The following NTRK2 variants were observed in gnomAD, a reference collection of about 807,000 sequenced individuals.
The protein encoded by NTRK2 is BDNF/NT-3 growth factors receptor.
NTRK2 carries 13 observed loss-of-function variants against 94.5 expected under a neutral mutation model. The ratio of observed to expected loss-of-function variants is 0.14; its 90% CI spans 0.09 to 0.22. The LOEUF is 0.22. NTRK2 is among the 10% of genes least tolerant of loss of function. The pLI is 1.00. For missense variants in NTRK2, 639 were observed against 1,071.2 expected (o/e 0.60, Z 5.63); for synonymous variants, 372 against 407.4 (o/e 0.91, Z 1.05).
intron 17 of NTRK2, among the ~76,000 whole-genome samples, chr9:84,974,332 G>A (rs889261948): frequency 1.3e-5 from 2 of 152,246 alleles, no homozygotes; most frequent in Non-Finnish European, 2.9e-5. Context: ...TGAATCAATC[G>A]TTATGTGGTT....
chr9:84,754,875 C>T (rs900841753), intron 12 of NTRK2, among the ~76,000 whole-genome samples: 2 of 152,160 alleles, frequency 1.3e-5, no homozygotes, highest in African/African-American at 2.4e-5. Flanking sequence ...CCTAGCAATG[C>T]GTGGTTTATT....
chr9:84,996,118 T>A (rs929971734), intron 17 of NTRK2, among the ~76,000 whole-genome samples: 1 of 152,250 alleles, frequency 6.6e-6, no homozygotes, highest in Non-Finnish European at 1.5e-5. Context: ...ATTGTGAACA[T>A]ATGAGGCTGC....
In NTRK2 at chr9:84,823,717, G is replaced by T. The variant is rs565695735; in HGVS notation, c.1397-37323G>T. 2.0e-5 allele frequency among the ~76,000 whole-genome samples: 3 copies of T among 152,280 alleles called. No homozygotes were observed. In the South Asian group the frequency reaches 6.2e-4, roughly 32 times the overall value. On this transcript the variant is annotated intron_variant, in intron 12 of 18. Transcript: ENST00000277120. The stretch of plus-strand genomic sequence containing the variant: ...TTTTTTAAGACAAGGGGAGATCCGG[G>T]TTTTTATGTGAAATTTTCTAGTTTT...
chr9:84,718,951 A>G (rs2061884769), intron 6 of NTRK2, among the ~76,000 whole-genome samples: 1 of 152,210 alleles, frequency 6.6e-6, no homozygotes, highest in African/African-American at 2.4e-5. Context: ...TTAAAAGATC[A>G]AGACTTGGCC....
chr9:84,960,785 C>T (rs1485351357), intron 17 of NTRK2, among the ~76,000 whole-genome samples: 1 of 152,198 alleles, frequency 6.6e-6, no homozygotes, highest in Non-Finnish European at 1.5e-5. Flanking sequence ...GAAACTGGCT[C>T]ATATCTATGT....
At chr9:84,854,240 A>G (rs1015773687) in intron 12 of NTRK2, among the ~76,000 whole-genome samples, 11 of 152,124 alleles carry the variant, frequency 7.2e-5, no homozygotes, top group Non-Finnish European at 1.0e-4. Context: ...ATTCTACTCC[A>G]TCACTCCAAG....
intron 4 of NTRK2, among the ~76,000 whole-genome samples, chr9:84,703,361 A>T (rs533262437): frequency 6.6e-6 from 1 of 152,192 alleles, no homozygotes; most frequent in Non-Finnish European, 1.5e-5. Flanking sequence ...TGCACATTTC[A>T]TAGATAAAAT....
At chr9:84,991,824 G>T (rs1371503695) in intron 17 of NTRK2, among the ~76,000 whole-genome samples, 2 of 152,166 alleles carry the variant, frequency 1.3e-5, no homozygotes, top group African/African-American at 4.8e-5. Context: ...TTAGATCCCT[G>T]CTGGTCGAGA....
chr9:84,751,983 T>C lies in NTRK2; in HGVS notation c.1297-3T>C. On this transcript the variant is annotated splice_region_variant and splice_polypyrimidine_tract_variant and intron_variant, in intron 11 of 18. Transcript: ENST00000277120. ...TATAACCACCCTCCCTTCCTTTCTC[T>C]AGGTCTATGCTGTGGTGGTGATTGC... The C allele has an allele frequency of 6.2e-7, 1 of 1,613,474 alleles. No individual in the cohort carries two copies.
At chr9:84,837,389 G>C (rs1428004339) in intron 12 of NTRK2, among the ~76,000 whole-genome samples, 2 of 152,100 alleles carry the variant, frequency 1.3e-5, no homozygotes, top group African/African-American at 4.8e-5. Context: ...CACTGGCCAG[G>C]TAAACTTACA....
chr9:84,805,366 A>G (rs2070988358), intron 12 of NTRK2, among the ~76,000 whole-genome samples: 1 of 152,224 alleles, frequency 6.6e-6, no homozygotes, highest in Non-Finnish European at 1.5e-5. Flanking sequence ...ACACTACTGT[A>G]ATTTTGATCA....
intron 2 of NTRK2, among the ~76,000 whole-genome samples, chr9:84,677,485 T>C (rs1227947500): frequency 6.6e-6 from 1 of 152,112 alleles, no homozygotes; most frequent in Non-Finnish European, 1.5e-5. Flanking sequence ...GAAGATTTGC[T>C]CCCATGGGAC....
At chr9:84,877,144 C>T (rs758132159) in intron 14 of NTRK2, 26 of 1,064,728 alleles carry the variant, frequency 2.4e-5, no homozygotes, top group Non-Finnish European at 3.0e-5. Flanking sequence ...CTGCCACTTC[C>T]TACATATTAC....
Position 84,810,571 on chromosome 9 carries a change from G to A in NTRK2, c.1397-50469G>A. ...TGTTTTGTTTCATAAGATCCCACTG[G>A]ATGGGTAGCTGAAATAAAGGAAAAG... On this transcript the variant is annotated intron_variant, in intron 12 of 18. Coordinates refer to ENST00000277120, the MANE Select transcript of NTRK2 (RefSeq NM_006180.6). 1 of 1,613,944 alleles carries A rather than the reference G, an allele frequency of 6.2e-7. No individual in the cohort carries two copies.
At chr9:84,730,851 T>C (rs1404114014) in intron 9 of NTRK2, among the ~76,000 whole-genome samples, 2 of 123,024 alleles carry the variant, frequency 1.6e-5, no homozygotes, top group Non-Finnish European at 3.3e-5. Context: ...CAACAGCAGG[T>C]CAAGTTTGGC....
chr9:84,716,002 G>A (rs554037473), intron 6 of NTRK2, among the ~76,000 whole-genome samples: 1 of 152,178 alleles, frequency 6.6e-6, no homozygotes, highest in East Asian at 1.9e-4. Context: ...TAAGTTGATG[G>A]CAAATACATT....
chr9:84,916,309 T>G (rs958749718), intron 14 of NTRK2, among the ~76,000 whole-genome samples: 3 of 152,136 alleles, frequency 2.0e-5, no homozygotes, highest in African/African-American at 4.8e-5. Flanking sequence ...AGTGGGTTCT[T>G]GACTCAGAAG....
At chr9:84,694,499 A>T (rs918620853) in intron 2 of NTRK2, among the ~76,000 whole-genome samples, 1 of 152,188 alleles carries the variant, frequency 6.6e-6, no homozygotes, top group Non-Finnish European at 1.5e-5. Context: ...GTTGGGGTGC[A>T]TACCCCCTCA....
intron 12 of NTRK2, among the ~76,000 whole-genome samples, chr9:84,852,156 C>T (rs2074806823): frequency 6.6e-6 from 1 of 152,166 alleles, no homozygotes; most frequent in South Asian, 2.1e-4. Flanking sequence ...AAGTGTTTGC[C>T]AGACTCTGCG....
Sources: gnomAD v4.1 joint callset for allele counts (sites outside exome capture counted in the v4.1 genomes callset) on GRCh38, gnomAD v4.1.1 for gene constraint, MANE v1.5 for transcripts, NCBI Gene and HGNC (gene_info 2026-07-23, HGNC 2026-07-21) for gene names.